Variants in OVCH1 observed in about 807,000 individuals in gnomAD.
OVCH1 encodes ovochymase 1.
A neutral mutation model predicts 138.4 loss-of-function variants in OVCH1; 139 were observed. The observed-to-expected ratio is 1.00, with a 90% CI of 0.87 to 1.16. The LOEUF is 1.16. OVCH1 is among the 50% of genes most tolerant of loss of function. OVCH1 has a pLI of 0.00. For missense variants in OVCH1, 1,367 were observed against 1,357.9 expected (o/e 1.01, Z -0.11); for synonymous variants, 453 against 467.8 (o/e 0.97, Z 0.41).
At chr12:29,415,937 G>A (rs894306782) in intron 3 of OVCH1, among the ~76,000 whole-genome samples, 10 of 151,706 alleles carry the variant, frequency 6.6e-5, no homozygotes, top group Admixed American at 6.6e-4. Context: ...TATGTGAAAG[G>A]ATAGAAACAT....
chr12:29,409,636 C>T (rs1183059549), downstream of OVCH1, among the ~76,000 whole-genome samples: 1 of 152,118 alleles, frequency 6.6e-6, no homozygotes, highest in African/African-American at 2.4e-5. Flanking sequence ...GTTTCTTAAT[C>T]CTGAGTTCTA....
chr12:29,403,176 A>G, the OVCH1 span, among the ~76,000 whole-genome samples: 2 of 152,210 alleles, frequency 1.3e-5, no homozygotes, highest in Admixed American at 6.5e-5. Context: ...TGTAATTACA[A>G]TTATTAGGCT....
chr12:29,429,317 C>T (rs1470217696), intron 27 of OVCH1, among the ~76,000 whole-genome samples: 1 of 152,092 alleles, frequency 6.6e-6, no homozygotes, highest in Non-Finnish European at 1.5e-5. Flanking sequence ...ACTAAAAAGT[C>T]AAGACAAGCC....
chr12:29,461,735 G>C, intron 19 of OVCH1, 119 bp downstream of exon 19: 1 of 1,228,192 alleles, frequency 8.1e-7, no homozygotes, highest in Non-Finnish European at 1.2e-6. Flanking sequence ...TTCATGCAGG[G>C]ATATGATATT....
intron 9 of OVCH1, 93 bp downstream of exon 10, chr12:29,478,742 A>G: frequency 2.4e-6 from 2 of 849,326 alleles, no homozygotes; most frequent in Non-Finnish European, 3.3e-6. Flanking sequence ...CCATAGGCAG[A>G]GCAGCCAGAA....
At chr12:29,412,604 T>C (rs1436321) in intron 4 of OVCH1, 85,708 of 152,040 alleles carry the variant, frequency 0.56, 26,226 homozygotes, top group Middle Eastern at 0.78. Flanking sequence ...GATTCTAACA[T>C]TGGAGGAGGT....
chr12:29,455,475 CAAG>C, intron 19 of OVCH1, 70 bp from the exon 20 acceptor site: 1 of 1,452,126 alleles, frequency 6.9e-7, no homozygotes, highest in South Asian at 1.4e-5. Flanking sequence ...GTTTTTAGAA[CAAG>C]AATGACCAAT....
chr12:29,464,187 T>C (rs183617983), intron 18 of OVCH1, among the ~76,000 whole-genome samples: 123 of 152,342 alleles, frequency 8.1e-4, no homozygotes, highest in Admixed American at 9.8e-4. Flanking sequence ...ATGGCTGCTT[T>C]ATGCTATAAC....
the OVCH1 span, among the ~76,000 whole-genome samples, chr12:29,404,599 G>C: frequency 6.6e-6 from 1 of 152,186 alleles, no homozygotes; most frequent in Non-Finnish European, 1.5e-5. Context: ...ACTCTGCCAT[G>C]AAGAAACTTT....
intron 18 of OVCH1, among the ~76,000 whole-genome samples, chr12:29,463,654 C>T (rs532039492): frequency 6.6e-6 from 1 of 152,126 alleles, no homozygotes; most frequent in Non-Finnish European, 1.5e-5. Context: ...GGGATCTCAG[C>T]AAGTTACTTA....
intron 19 of OVCH1, among the ~76,000 whole-genome samples, chr12:29,460,473 C>G (rs1461644389): frequency 6.6e-6 from 1 of 152,096 alleles, no homozygotes; most frequent in African/African-American, 2.4e-5. Context: ...TCTTCCAGCC[C>G]ATGTCCTGGC....
At chr12:29,457,848 T>C (rs1389216474) in intron 19 of OVCH1, among the ~76,000 whole-genome samples, 1 of 152,212 alleles carries the variant, frequency 6.6e-6, no homozygotes, top group African/African-American at 2.4e-5. Flanking sequence ...AAGGTAGTTA[T>C]ATGTTTGCTT....
At chr12:29,491,944 A>G (rs958040731) in intron 4 of OVCH1, among the ~76,000 whole-genome samples, 1 of 152,230 alleles carries the variant, frequency 6.6e-6, no homozygotes, top group African/African-American at 2.4e-5. Context: ...GAATGAACAG[A>G]AAGAAAAATA....
rs1382056901 is a variant in OVCH1 at position 29,461,805 on chromosome 12, A to T, written c.2280+49T>A. The T allele has an allele frequency of 1.9e-6, 3 of 1,609,070 alleles. No individual in the cohort carries two copies. In the Admixed American group the frequency reaches 5.0e-5, roughly 27 times the overall value. On this transcript the variant is annotated intron_variant, in intron 19 of 27. Transcript: ENST00000318184. ...TTTCTCCTGTCTATAGAAACTCTTC[A>T]GCAGATGGCAATTTTCCACCTTCCT... is the stretch of plus-strand genomic sequence containing the variant.
intron 3 of OVCH1, among the ~76,000 whole-genome samples, chr12:29,422,036 C>T (rs963446059): frequency 5.3e-5 from 8 of 152,030 alleles, no homozygotes; most frequent in Non-Finnish European, 7.4e-5. Flanking sequence ...AAAGACTATC[C>T]AAGATCTTAG....
intron 16 of OVCH1, among the ~76,000 whole-genome samples, chr12:29,467,514 A>G (rs10492377): frequency 0.1 from 15,272 of 152,142 alleles, 892 homozygotes; most frequent in East Asian, 0.22. Context: ...TTCATTTCTT[A>G]TAGTCTTAGG....
intron 7 of OVCH1, chr12:29,486,876 TC>T (rs1231115872): frequency 2.2e-6 from 1 of 455,082 alleles, no homozygotes; most frequent in Non-Finnish European, 4.4e-6. Flanking sequence ...TTGTCAACTT[TC>T]CCTTCCAGGT....
chr12:29,417,460 CAAA>C (rs759067203), intron 3 of OVCH1, among the ~76,000 whole-genome samples: 16 of 60,746 alleles, frequency 2.6e-4, no homozygotes, highest in African/African-American at 7.7e-4. Flanking sequence ...CACTCCGTCT[CAAA>C]AAAAAAAAAA....
downstream of OVCH1, among the ~76,000 whole-genome samples, chr12:29,425,538 G>T (rs1474415590): frequency 6.6e-6 from 1 of 152,148 alleles, no homozygotes; most frequent in East Asian, 1.9e-4. Flanking sequence ...CTACCACGTG[G>T]TTAGAATAGT....
Sources: allele counts gnomAD v4.1 joint callset (sites outside exome capture counted in the v4.1 genomes callset), GRCh38; gene constraint gnomAD v4.1.1; transcripts MANE v1.5; gene names NCBI Gene and HGNC (gene_info 2026-07-23, HGNC 2026-07-21).